The following GXYLT2 variants were observed in gnomAD, a reference collection of about 807,000 sequenced individuals.
The protein encoded by GXYLT2 is glucoside xylosyltransferase 2, also known as glycosyltransferase 8 domain containing 4.
In GXYLT2, 53 loss-of-function variants were observed where a neutral mutation model predicts 45.8. That is an observed-to-expected ratio of 1.16 (90% CI 0.93 to 1.46). The LOEUF is 1.46. Among genes scored for constraint, GXYLT2 ranks in the 40% most tolerant of loss-of-function variants. The pLI is 0.00. For missense variants in GXYLT2, 551 were observed against 544.4 expected, an observed-to-expected ratio of 1.01 and a Z score of -0.12; for synonymous variants, 219 against 214.2, an observed-to-expected ratio of 1.02 and a Z score of -0.19.
intron 3 of GXYLT2, among the ~76,000 whole-genome samples, chr3:72,923,211 C>T (rs551008396): frequency 1.3e-5 from 2 of 151,712 alleles, no homozygotes; most frequent in Non-Finnish European, 2.9e-5. Flanking sequence ...GCCAAGATCA[C>T]GCCACTGCAC....
intron 3 of GXYLT2, among the ~76,000 whole-genome samples, chr3:72,935,266 A>T (rs1321155506): frequency 6.6e-6 from 1 of 152,200 alleles, no homozygotes. Context: ...GTACAGCAGA[A>T]TAGAACTCAA....
chr3:72,890,427 C>G (rs1709160632), intron 1 of GXYLT2, among the ~76,000 whole-genome samples: 1 of 152,234 alleles, frequency 6.6e-6, no homozygotes, highest in Non-Finnish European at 1.5e-5. Flanking sequence ...GCAAAGTAAG[C>G]ACCAATGGTA....
intron 3 of GXYLT2, among the ~76,000 whole-genome samples, chr3:72,950,870 G>T (rs1312864103): frequency 6.6e-6 from 1 of 152,198 alleles, no homozygotes; most frequent in African/African-American, 2.4e-5. Context: ...GGCTGAGCAG[G>T]GTTCACTGGA....
At chr3:72,969,106 C>T (rs1370554887) in intron 6 of GXYLT2, among the ~76,000 whole-genome samples, 4 of 151,424 alleles carry the variant, frequency 2.6e-5, no homozygotes, top group Non-Finnish European at 5.9e-5. Flanking sequence ...TTTATGGACT[C>T]GTGGGCTAGG....
chr3:72,900,404 A>G (rs906475383), intron 1 of GXYLT2, among the ~76,000 whole-genome samples: 11 of 151,696 alleles, frequency 7.3e-5, no homozygotes, highest in African/African-American at 2.4e-4. Flanking sequence ...TCATTCCCAC[A>G]TGGCATCACA....
Position 72,967,629 on chromosome 3 carries a change from T to G in GXYLT2, c.1059T>G (p.His353Gln). The G allele has an allele frequency of 3.7e-6, 6 of 1,613,960 alleles. No homozygotes were observed. The highest frequency in any genetic ancestry group is 3.3e-4 in the Middle Eastern group (2 of 6,062). ...MYGSNCREAE[H>Q]EGVSVLHGNR... The stretch of plus-strand genomic sequence containing the variant: ...GAAGCAACTGCAGAGAGGCTGAGCA[T>G]GAAGGTGTGTCTGTTCTGCATGGAA... The change falls in exon 6 of 7, where the codon CAT becomes CAG. Residue 353 changes from histidine to glutamine, a missense_variant. Coordinates refer to ENST00000389617, the MANE Select transcript of GXYLT2 (RefSeq NM_001080393.2).
intron 6 of GXYLT2, among the ~76,000 whole-genome samples, chr3:72,968,389 C>T (rs1710911928): frequency 2.0e-5 from 3 of 152,190 alleles, no homozygotes; most frequent in Admixed American, 6.5e-5. Flanking sequence ...TAGCTAAATA[C>T]GTTGCCTGGT....
intron 1 of GXYLT2, among the ~76,000 whole-genome samples, chr3:72,888,807 T>G (rs1271088636): frequency 3.3e-5 from 5 of 152,252 alleles, no homozygotes; most frequent in African/African-American, 1.2e-4. Flanking sequence ...ACATGCACCC[T>G]TTGTTTAATT....
chr3:72,955,068 C>G (rs1186601623), intron 3 of GXYLT2, 30 bp from the exon 4 acceptor site: 1 of 1,604,832 alleles, frequency 6.2e-7, no homozygotes, highest in Admixed American at 1.7e-5. Flanking sequence ...TCCCTCCTCT[C>G]CCCTTTACAC....
intron 3 of GXYLT2, among the ~76,000 whole-genome samples, chr3:72,943,118 A>G (rs1012773313): frequency 2.5e-4 from 38 of 152,340 alleles, no homozygotes; most frequent in African/African-American, 8.4e-4. Context: ...CAGCTTTGAC[A>G]ACACATTTTA....
At chr3:72,967,837 T>C in intron 6 of GXYLT2, 118 bp downstream of exon 6, 1 of 778,606 alleles carries the variant, frequency 1.3e-6, no homozygotes, top group Non-Finnish European at 2.1e-6. Context: ...TTATACCAGT[T>C]ATTCCCGACC....
intron 3 of GXYLT2, among the ~76,000 whole-genome samples, chr3:72,936,594 C>G (rs1428767186): frequency 1.3e-5 from 2 of 151,930 alleles, no homozygotes; most frequent in African/African-American, 4.8e-5. Flanking sequence ...GAGCTGAGAT[C>G]GCACCATTGC....
At chr3:72,895,315 C>T (rs1709268175) in intron 1 of GXYLT2, among the ~76,000 whole-genome samples, 1 of 152,148 alleles carries the variant, frequency 6.6e-6, no homozygotes, top group Admixed American at 6.5e-5. Context: ...AGCTTCTTGC[C>T]TTTCACTGGC....
chr3:72,908,439 CTG>C lies in GXYLT2; in HGVS notation c.351_352del (p.Cys117TrpfsTer18). 1.2e-6 allele frequency: 2 copies of C among 1,613,954 alleles called. No individual in the cohort carries two copies. Among genetic ancestry groups the C allele is most frequent in the Non-Finnish European group, 8.5e-7 (1 of 1,179,882 alleles). On this transcript the variant is annotated frameshift_variant, in exon 2 of 7. Transcript: ENST00000389617. LOFTEE classifies it high-confidence loss of function. ...ELWIHLAVVA[C>X]GNRLEETLVM... is the part of the protein sequence containing the mutation. The stretch of plus-strand genomic sequence containing the variant: ...TCTGGATCCACCTGGCTGTGGTGGC[CTG>C]TGGCAATCGGCTGGAGGAGACGCTG...
intron 1 of GXYLT2, 40 bp downstream of exon 1, chr3:72,888,548 T>C: frequency 8.5e-7 from 1 of 1,170,694 alleles, no homozygotes; most frequent in Non-Finnish European, 1.1e-6. Flanking sequence ...TGCGGACCCG[T>C]GTCTCGCTCC....
intron 1 of GXYLT2, 155 bp from the exon 2 acceptor site, chr3:72,908,212 C>T: frequency 1.7e-6 from 1 of 598,556 alleles, no homozygotes; most frequent in Non-Finnish European, 2.9e-6. Flanking sequence ...TTTCTCTAAG[C>T]AGGAAGAATT....
At chr3:72,929,092 A>C in intron 3 of GXYLT2, 1 of 1,591,014 alleles carries the variant, frequency 6.3e-7, no homozygotes, top group Non-Finnish European at 8.5e-7. Flanking sequence ...ACCAGGACTC[A>C]GAGGCCGTCA....
At chr3:72,900,447 C>T (rs868396227) in intron 1 of GXYLT2, among the ~76,000 whole-genome samples, 2 of 152,172 alleles carry the variant, frequency 1.3e-5, no homozygotes, top group Middle Eastern at 3.4e-3. Context: ...GAGTTTCACT[C>T]TTGTTGCCCA....
At chr3:72,892,838 C>G (rs1300691067) in intron 1 of GXYLT2, among the ~76,000 whole-genome samples, 2 of 152,196 alleles carry the variant, frequency 1.3e-5, no homozygotes, top group Non-Finnish European at 2.9e-5. Flanking sequence ...AGTCTTGATT[C>G]TATCCACAAT....
Sources: gnomAD v4.1 joint callset for allele counts (sites outside exome capture counted in the v4.1 genomes callset) on GRCh38, gnomAD v4.1.1 for gene constraint, MANE v1.5 for transcripts, NCBI Gene and HGNC (gene_info 2026-07-23, HGNC 2026-07-21) for gene names.